Variants in IL1RAPL1 observed in about 807,000 individuals in gnomAD.
IL1RAPL1 encodes the protein interleukin-1 receptor accessory protein-like 1.
In IL1RAPL1, 3 loss-of-function variants were observed where a neutral mutation model predicts 48.4. The ratio of observed to expected loss-of-function variants is 0.06; its 90% CI spans 0.03 to 0.16. The LOEUF is 0.16. Among genes scored for constraint, IL1RAPL1 ranks in the 10% least tolerant of loss-of-function variants. IL1RAPL1 has a pLI of 1.00. For synonymous variants in IL1RAPL1, 185 were observed against 187.7 expected, an observed-to-expected ratio of 0.99 and a Z score of 0.12; for missense variants, 349 against 530.6, an observed-to-expected ratio of 0.66 and a Z score of 3.36.
intron 5 of IL1RAPL1, among the ~76,000 whole-genome samples, chrX:29,405,187 C>A (rs933300575): frequency 1.5e-4 from 16 of 109,451 alleles, no homozygotes; most frequent in Admixed American, 7.8e-4. Context: ...GCTGGGATTA[C>A]AGGCGTGAGC....
intron 6 of IL1RAPL1, among the ~76,000 whole-genome samples, chrX:29,704,209 T>C (rs1375015722): frequency 1.8e-5 from 2 of 111,412 alleles, no homozygotes; most frequent in Non-Finnish European, 3.8e-5. Context: ...GAATTACAGA[T>C]GTGACCCACA....
chrX:29,014,608 A>G (rs1926198979), intron 2 of IL1RAPL1, among the ~76,000 whole-genome samples: 1 of 111,916 alleles, frequency 8.9e-6, no homozygotes, highest in African/African-American at 3.2e-5. Flanking sequence ...GAAGAGAGGC[A>G]TATGCACACA....
At chrX:29,884,425 A>G (rs772594678) in intron 6 of IL1RAPL1, among the ~76,000 whole-genome samples, 1 of 110,043 alleles carries the variant, frequency 9.1e-6, no homozygotes, top group East Asian at 2.9e-4. Context: ...CCAGGACACC[A>G]CATTCTCTTA....
chrX:28,659,538 T>G, intron 1 of IL1RAPL1: 2 of 431,863 alleles, frequency 4.6e-6, no homozygotes, highest in East Asian at 4.2e-5. Flanking sequence ...GAGGCGGCGC[T>G]GGCTAGAGGC....
At chrX:29,294,057 A>G (rs891988224) in intron 3 of IL1RAPL1, among the ~76,000 whole-genome samples, 1 of 110,224 alleles carries the variant, frequency 9.1e-6, no homozygotes, top group African/African-American at 3.3e-5. Flanking sequence ...AAAATAAATG[A>G]ATAAAAATCT....
chrX:28,700,065 A>T (rs1225227496), intron 1 of IL1RAPL1, among the ~76,000 whole-genome samples: 2 of 111,494 alleles, frequency 1.8e-5, no homozygotes, highest in Non-Finnish European at 3.8e-5. Context: ...ATGAAAAGAA[A>T]ATTAATAATA....
At chrX:29,399,592 G>A (rs1933963798) in intron 5 of IL1RAPL1, among the ~76,000 whole-genome samples, 1 of 111,312 alleles carries the variant, frequency 9.0e-6, no homozygotes, top group African/African-American at 3.3e-5. Context: ...AGGCCAAGGT[G>A]GGCGAATCAC....
chrX:28,885,563 T>G (rs1922608814), intron 2 of IL1RAPL1, among the ~76,000 whole-genome samples: 1 of 112,068 alleles, frequency 8.9e-6, no homozygotes, highest in Admixed American at 9.5e-5. Flanking sequence ...TATTTGTTTT[T>G]AATTTTAACA....
At chrX:29,008,341 T>A (rs1290597131) in intron 2 of IL1RAPL1, among the ~76,000 whole-genome samples, 27 of 98,686 alleles carry the variant, frequency 2.7e-4, no homozygotes, top group Admixed American at 2.5e-3. Flanking sequence ...CGCTTGGCTA[T>A]TTTTTTGTAT....
intron 2 of IL1RAPL1, among the ~76,000 whole-genome samples, chrX:28,841,364 C>A (rs1921367225): frequency 9.0e-6 from 1 of 110,649 alleles, no homozygotes; most frequent in Non-Finnish European, 1.9e-5. Flanking sequence ...TATTACATAT[C>A]TAAAATTAGA....
At chrX:29,214,199 C>CA (rs201469065) in intron 2 of IL1RAPL1, among the ~76,000 whole-genome samples, 61 of 105,873 alleles carry the variant, frequency 5.8e-4, no homozygotes, top group Admixed American at 7.1e-4. Flanking sequence ...AAATCAAATG[C>CA]AAAAAAAAAG....
At chrX:29,950,026 A>G (rs186433142) in intron 9 of IL1RAPL1, among the ~76,000 whole-genome samples, 180 of 112,135 alleles carry the variant, frequency 1.6e-3, no homozygotes, top group African/African-American at 5.4e-3. Context: ...ACTCTGGAGA[A>G]AGAGAGAAAT....
chrX:29,931,929 G>A (rs1480277304), intron 8 of IL1RAPL1, among the ~76,000 whole-genome samples: 1 of 112,593 alleles, frequency 8.9e-6, no homozygotes, highest in African/African-American at 3.2e-5. Context: ...TGTATGACAT[G>A]TTAAGAAGGA....
chrX:28,919,025 G>A (rs1601958432), intron 2 of IL1RAPL1, among the ~76,000 whole-genome samples: 1 of 111,285 alleles, frequency 9.0e-6, no homozygotes, highest in African/African-American at 3.3e-5. Flanking sequence ...GAGGCTAAAG[G>A]CTGTTCTTGC....
At chrX:29,334,199 C>A (rs1932938310) in intron 3 of IL1RAPL1, among the ~76,000 whole-genome samples, 2 of 75,367 alleles carry the variant, frequency 2.7e-5, no homozygotes, top group Non-Finnish European at 5.2e-5. Context: ...GGGCGGGGGG[C>A]TGACCCCCCC....
intron 7 of IL1RAPL1, among the ~76,000 whole-genome samples, chrX:29,918,774 G>A (rs1932824046): frequency 8.9e-6 from 1 of 111,769 alleles, no homozygotes; most frequent in African/African-American, 3.3e-5. Flanking sequence ...TTTGTTCAAT[G>A]TGTTTACTTA....
chrX:29,772,835 C>T (rs1929100797), intron 6 of IL1RAPL1, among the ~76,000 whole-genome samples: 1 of 111,136 alleles, frequency 9.0e-6, no homozygotes, highest in Admixed American at 9.6e-5. Context: ...TGCTCTTCTC[C>T]ATTTGCTGTG....
intron 2 of IL1RAPL1, among the ~76,000 whole-genome samples, chrX:28,852,338 CTT>C (rs11437442): frequency 9.8e-6 from 1 of 101,682 alleles, no homozygotes. Flanking sequence ...TAATCCATAA[CTT>C]TTTTTTTTTT....
At position 29,822,459 on chromosome X, in the gene IL1RAPL1, CT is replaced by C. The variant is rs1171309110; in HGVS notation, c.779-94994del. ...TTTTTTGTGTGTTTACAGATATACA[CT>C]TTTTTTTTTTGCATGTTTTGGTCTA... On this transcript the variant is annotated intron_variant, in intron 6 of 10. Transcript: ENST00000378993. Among the ~76,000 whole-genome samples, 683 of 103,545 alleles carry C rather than the reference CT, an allele frequency of 6.6e-3. 3 individuals carry two copies. The highest frequency in any genetic ancestry group is 0.02 in the African/African-American group (573 of 28,803). The allele number at this position is 103,545 out of a possible 115,157, so 89.9% of individuals were successfully genotyped here. A position where few individuals can be genotyped will look rare whatever the true frequency, so the allele number is the denominator to read the frequency against.
Sources: gnomAD v4.1 joint callset for allele counts (sites outside exome capture counted in the v4.1 genomes callset) on GRCh38, gnomAD v4.1.1 for gene constraint, MANE v1.5 for transcripts, NCBI Gene and HGNC (gene_info 2026-07-23, HGNC 2026-07-21) for gene names.